A1CF: variants seen among roughly 807,000 people sequenced by gnomAD.
A1CF encodes APOBEC1 complementation factor.
A neutral mutation model predicts 68.9 loss-of-function variants in A1CF; 48 were observed. The observed-to-expected ratio is 0.70, with a 90% CI of 0.55 to 0.89. The LOEUF (loss-of-function observed/expected upper bound fraction) is 0.89. A1CF is among the 40% of genes least tolerant of loss of function. A1CF has a pLI of 0.00. For missense variants in A1CF, 653 were observed against 718.9 expected (o/e 0.91, Z 1.05); for synonymous variants, 272 against 260.4 (o/e 1.04, Z -0.43).
At chr10:50,851,723 C>T (rs1031403008) in intron 3 of A1CF, among the ~76,000 whole-genome samples, 1 of 152,140 alleles carries the variant, frequency 6.6e-6, no homozygotes, top group African/African-American at 2.4e-5. Flanking sequence ...ACCTGGAAGC[C>T]TGAGAGAGAA....
chr10:50,848,146 T>C (rs942541831), intron 3 of A1CF, among the ~76,000 whole-genome samples: 1 of 152,102 alleles, frequency 6.6e-6, no homozygotes, highest in Non-Finnish European at 1.5e-5. Context: ...AGGCAAGGAA[T>C]CCAAGGCATA....
At chr10:50,873,730 G>A (rs1841377933) in intron 1 of A1CF, among the ~76,000 whole-genome samples, 1 of 152,020 alleles carries the variant, frequency 6.6e-6, no homozygotes, top group African/African-American at 2.4e-5. Context: ...ATTACTGTTT[G>A]TTGAAGTTTA....
chr10:50,840,197 G>A (rs1016828022), intron 5 of A1CF, among the ~76,000 whole-genome samples: 1 of 151,630 alleles, frequency 6.6e-6, no homozygotes, highest in Admixed American at 6.6e-5. Context: ...CCCATTTTAA[G>A]GTGCAGTTCT....
At chr10:50,872,946 CTTTTTTTTTTTTTTTTT>C (rs34770362) in intron 1 of A1CF, among the ~76,000 whole-genome samples, 1 of 67,290 alleles carries the variant, frequency 1.5e-5, no homozygotes, top group South Asian at 6.8e-4. Flanking sequence ...ATTTAAGTTC[CTTTTTTTTTTTTTTTTT>C]TTTTTTTTTT....
chr10:50,851,491 CAAAAA>C (rs551906157), intron 3 of A1CF, among the ~76,000 whole-genome samples: 5 of 152,158 alleles, frequency 3.3e-5, no homozygotes, highest in Non-Finnish European at 2.9e-5. Context: ...AAGCTTATAT[CAAAAA>C]GAAAATATAT....
At chr10:50,869,306 A>G (rs1003641881) in intron 1 of A1CF, among the ~76,000 whole-genome samples, 1 of 152,140 alleles carries the variant, frequency 6.6e-6, no homozygotes, top group African/African-American at 2.4e-5. Context: ...TACCTGGCAT[A>G]TAGAAGGTGC....
chr10:50,859,487 A>G (rs1482299607), intron 3 of A1CF, among the ~76,000 whole-genome samples: 1 of 152,134 alleles, frequency 6.6e-6, no homozygotes, highest in Non-Finnish European at 1.5e-5. Flanking sequence ...CTCTCTGGAA[A>G]CTAAGCCTGG....
chr10:50,841,311 C>T (rs1000521279), intron 5 of A1CF, among the ~76,000 whole-genome samples: 2 of 152,146 alleles, frequency 1.3e-5, no homozygotes, highest in Non-Finnish European at 1.5e-5. Flanking sequence ...GCCCCTCAAA[C>T]ATATCACGCT....
chr10:50,863,827 G>C (rs1371468822), intron 2 of A1CF, among the ~76,000 whole-genome samples: 1 of 151,998 alleles, frequency 6.6e-6, no homozygotes, highest in Non-Finnish European at 1.5e-5. Context: ...GGAAATTATA[G>C]TTAACAATAA....
intron 11 of A1CF, among the ~76,000 whole-genome samples, chr10:50,810,700 C>T (rs980943521): frequency 6.6e-6 from 1 of 152,088 alleles, no homozygotes; most frequent in African/African-American, 2.4e-5. Context: ...TTAGTAGAGA[C>T]GGGGTTTCAC....
rs1837571135 is a variant in A1CF, at chr10:50,800,868, A to C, written c.*5861T>G. ...TGATGAAATCAAATGCAAGGGAATT[A>C]GTGTTGGAGCAAATTTGTGAAGCAG... is the stretch of plus-strand genomic sequence containing the variant. On this transcript the variant is annotated 3_prime_UTR_variant, in exon 13 of 13. Coordinates refer to ENST00000373997, the MANE Select transcript of A1CF (RefSeq NM_014576.4). The C allele has an allele frequency of 1.3e-5, 2 of 152,208 alleles. No individual in the cohort carries two copies. Among genetic ancestry groups the C allele is most frequent in the Admixed American group, 6.5e-5 (1 of 15,282 alleles). 9.4% of individuals were successfully genotyped at this position (152,208 alleles called of 1,614,324 possible). A position where few individuals can be genotyped will look rare whatever the true frequency, so the allele number is the denominator to read the frequency against.
chr10:50,823,869 A>G (rs1289497911), intron 7 of A1CF: 2 of 152,132 alleles, frequency 1.3e-5, no homozygotes, highest in African/African-American at 4.8e-5. Flanking sequence ...TTGAGGTAAT[A>G]TGTAGGTTCC....
chr10:50,812,045 C>A (rs1838138650), intron 10 of A1CF, among the ~76,000 whole-genome samples: 1 of 152,162 alleles, frequency 6.6e-6, no homozygotes, highest in South Asian at 2.1e-4. Context: ...GCTGCAATAG[C>A]ATGATATTTT....
intron 1 of A1CF, among the ~76,000 whole-genome samples, chr10:50,873,248 G>T (rs7893879): frequency 0.9 from 136,648 of 152,138 alleles, 63,151 homozygotes; most frequent in East Asian, 1. Context: ...GAGCCACCTC[G>T]CCCAGCCATT....
chr10:50,857,735 T>C (rs1331986978), intron 3 of A1CF, among the ~76,000 whole-genome samples: 1 of 152,206 alleles, frequency 6.6e-6, no homozygotes, highest in East Asian at 1.9e-4. Context: ...GGCCTGCAGC[T>C]TTGTTGTTGG....
In A1CF at chr10:50,836,112, T is replaced by G; in HGVS notation, c.566A>C (p.His189Pro). 6.2e-7 allele frequency: 1 copy of G among 1,612,746 alleles called. No individual in the cohort carries two copies. Among genetic ancestry groups the G allele is most frequent in the Non-Finnish European group, 8.5e-7 (1 of 1,179,398 alleles). Residue 189 changes from histidine (H) to proline (P), a missense_variant, in exon 6 of 13, where the codon CAT becomes CCT. Coordinates refer to ENST00000373997, the MANE Select transcript of A1CF (RefSeq NM_014576.4). ...CCTCCTCGCCATGGCAGCTGCTCGATGACTCTCATACTCCACGAAGGCAAA... is the reference window on the plus strand; with the variant it reads ...CCTCCTCGCCATGGCAGCTGCTCGAGGACTCTCATACTCCACGAAGGCAAA... ...RGFAFVEYES[H>P]RAAAMARRKL...
At position 50,827,991 on chromosome 10, in the gene A1CF, C is replaced by T. The variant is rs185610688; in HGVS notation, c.769+140G>A. 1.4e-4 allele frequency: 69 copies of T among 481,750 alleles called. No individual in the cohort carries two copies. In the East Asian group the frequency reaches 2.3e-3, roughly 16 times the overall value. The allele number at this position is 481,750 out of a possible 1,614,324, so 29.8% of individuals were successfully genotyped here. A position where few individuals can be genotyped will look rare whatever the true frequency, so the allele number is the denominator to read the frequency against. ...ATCCCACAGAAATACAAACTACCGT[C>T]AGAGAATACTATAAACACCTCTATG... On this transcript the variant is annotated intron_variant, in intron 7 of 12. Transcript: ENST00000373997.
rs767318297 is a variant in A1CF, at chr10:50,811,107, G to C, written c.1393C>G (p.Gln465Glu). The C allele has an allele frequency of 6.2e-7, 1 of 1,613,600 alleles. No individual in the cohort carries two copies. The highest frequency in any genetic ancestry group is 8.5e-7 in the Non-Finnish European group (1 of 1,179,722). ...TACAAGAATAGCTGTCTTTGGTCTT[G>C]TCCAATAGCAGAGTGCAGCTGGTAC... ...PVYQLHSAIG[Q>E]DQRQLFLYKI... Residue 465 changes from glutamine to glutamate, a missense_variant, in exon 11 of 13, where the codon CAA becomes GAA. Transcript: ENST00000373997.
intron 3 of A1CF, among the ~76,000 whole-genome samples, chr10:50,853,823 TA>T (rs71457594): frequency 0.21 from 31,729 of 148,026 alleles, 3,587 homozygotes; most frequent in Middle Eastern, 0.28. Flanking sequence ...GCTTAAAATG[TA>T]AAAAAAAAAT....
Sources: gnomAD v4.1 joint callset for allele counts (sites outside exome capture counted in the v4.1 genomes callset) on GRCh38, gnomAD v4.1.1 for gene constraint, MANE v1.5 for transcripts, NCBI Gene and HGNC (gene_info 2026-07-23, HGNC 2026-07-21) for gene names.